The following CADPS variants were observed in gnomAD, a reference collection of about 807,000 sequenced individuals.
The protein encoded by CADPS is calcium dependent secretion activator, also known as calcium-dependent secretion activator 1.
Under a neutral mutation model 167.3 loss-of-function variants are expected in CADPS, and 57 were observed. The ratio of observed to expected loss-of-function variants is 0.34; its 90% CI spans 0.28 to 0.42. CADPS has a LOEUF of 0.42. Among genes scored for constraint, CADPS ranks in the 20% least tolerant of loss-of-function variants. The pLI, the probability that CADPS is intolerant of heterozygous loss-of-function variation, is 1.00. For missense variants in CADPS, 1,414 were observed against 1,738.1 expected (o/e 0.81, Z 3.32); for synonymous variants, 676 against 635.3 (o/e 1.06, Z -0.96).
At position 62,526,935 on chromosome 3, in the gene CADPS, T is replaced by G. The variant is rs138466703; in HGVS notation, c.2291+5936A>C. Among the ~76,000 whole-genome samples the G allele has an allele frequency of 5.3e-3, 809 of 152,284 alleles. 3 individuals carry two copies. The highest frequency in any genetic ancestry group is 0.018 in the African/African-American group (740 of 41,576). ...CTCCAAGTGATTCTAGTGGGCAGCC[T>G]AGTTTGACAACCAAAATCCTAAATA... is the stretch of plus-strand genomic sequence containing the variant. On this transcript the variant is annotated intron_variant, in intron 13 of 29. Coordinates refer to ENST00000383710, the MANE Select transcript of CADPS (RefSeq NM_003716.4).
Position 62,557,428 on chromosome 3 carries a change from A to G in CADPS, c.1730T>C (p.Val577Ala). Residue 577 changes from valine (V) to alanine (A), a missense_variant, in exon 10 of 30, where the codon GTG becomes GCG. Transcript: ENST00000383710. ...ACCTGGCTGGGGGTCGGTGTAATCC[A>G]CAGTGTAGCCATCCAATTGTAGAAG... Reference protein sequence around the residue: ...QELLQLDGYTVDYTDPQPGLE... With the variant: ...QELLQLDGYTADYTDPQPGLE... 6.2e-7 allele frequency: 1 copy of G among 1,613,890 alleles called. No individual in the cohort carries two copies. The highest frequency in any genetic ancestry group is 8.5e-7 in the Non-Finnish European group (1 of 1,179,808).
intron 3 of CADPS, among the ~76,000 whole-genome samples, chr3:62,747,743 CAG>C (rs2081789874): frequency 1.3e-5 from 2 of 152,258 alleles, no homozygotes; most frequent in South Asian, 4.1e-4. Context: ...TCTAGAAATT[CAG>C]AGAGAATAAA....
rs143394782 is a variant in CADPS, at chr3:62,827,369, T to C, written c.441+47220A>G. Among the ~76,000 whole-genome samples, 477 of 152,308 alleles carry C rather than the reference T, an allele frequency of 3.1e-3. 8 individuals are homozygous for C. Among genetic ancestry groups the C allele is most frequent in the African/African-American group, 0.011 (457 of 41,558 alleles). On this transcript the variant is annotated intron_variant, in intron 1 of 29. Transcript: ENST00000383710. ...TGAACAAGATGAAAGTGTATTTTCA[T>C]TGAGAACACTCACTATGCCAAAGAC...
At chr3:62,473,404 C>G (rs1197784522) in intron 24 of CADPS, among the ~76,000 whole-genome samples, 1 of 152,128 alleles carries the variant, frequency 6.6e-6, no homozygotes, top group East Asian at 1.9e-4. Context: ...AGGCTGGTAT[C>G]GAAAGATCTG....
chr3:62,562,641 G>A (rs1439060741), intron 9 of CADPS, among the ~76,000 whole-genome samples: 1 of 152,146 alleles, frequency 6.6e-6, no homozygotes, highest in Non-Finnish European at 1.5e-5. Context: ...GGCCTTCTGT[G>A]GGGGCATTTC....
At chr3:62,746,236 G>C (rs148261007) in intron 3 of CADPS, among the ~76,000 whole-genome samples, 2 of 152,272 alleles carry the variant, frequency 1.3e-5, no homozygotes, top group East Asian at 3.9e-4. Context: ...TATATGACAA[G>C]AATGAGGAGA....
chr3:62,569,286 G>C (rs1235263838), intron 9 of CADPS, among the ~76,000 whole-genome samples: 1 of 152,122 alleles, frequency 6.6e-6, no homozygotes, highest in Non-Finnish European at 1.5e-5. Context: ...ACTATTAGTA[G>C]AGACAGGGTT....
At chr3:62,631,050 GAA>G (rs970264634) in intron 6 of CADPS, among the ~76,000 whole-genome samples, 30 of 151,766 alleles carry the variant, frequency 2.0e-4, no homozygotes, top group Non-Finnish European at 7.4e-5. Context: ...AAGCTGAAAT[GAA>G]AAGAGACTTC....
chr3:62,749,841 A>C (rs1441497090), intron 3 of CADPS, among the ~76,000 whole-genome samples: 2 of 152,200 alleles, frequency 1.3e-5, no homozygotes, highest in African/African-American at 4.8e-5. Flanking sequence ...ATGGAGTCAG[A>C]GAGCTCTGTC....
chr3:62,606,265 T>C (rs1048284157), intron 6 of CADPS, among the ~76,000 whole-genome samples: 1 of 152,178 alleles, frequency 6.6e-6, no homozygotes, highest in Non-Finnish European at 1.5e-5. Context: ...ATCTCCAATA[T>C]GACAGTATTG....
At chr3:62,802,540 C>T (rs1328997797) in intron 1 of CADPS, among the ~76,000 whole-genome samples, 3 of 152,130 alleles carry the variant, frequency 2.0e-5, no homozygotes, top group Non-Finnish European at 4.4e-5. Flanking sequence ...GCACCTAAAA[C>T]ATTTTAATTG....
intron 14 of CADPS, 26 bp downstream of exon 14, chr3:62,518,122 TA>T: frequency 6.6e-7 from 1 of 1,526,522 alleles, no homozygotes; most frequent in Admixed American, 1.7e-5. Flanking sequence ...ATCTCCTAAT[TA>T]AAGCTCTCCA....
At chr3:62,673,795 T>C (rs2075927996) in intron 3 of CADPS, among the ~76,000 whole-genome samples, 1 of 152,186 alleles carries the variant, frequency 6.6e-6, no homozygotes, top group Non-Finnish European at 1.5e-5. Context: ...GATTATATTC[T>C]CTGGAGATTT....
intron 3 of CADPS, among the ~76,000 whole-genome samples, chr3:62,734,316 G>C (rs183470489): frequency 6.6e-6 from 1 of 152,264 alleles, no homozygotes; most frequent in East Asian, 1.9e-4. Context: ...CTGAGTAGTA[G>C]ATATGTGGCT....
At position 62,399,266 on chromosome 3, in the gene CADPS, A is replaced by T; in HGVS notation, c.*140T>A. ...GGTCATTTGCTAATCTTGGTACCAC[A>T]TAGCTAAAATGGCAGTTGTATTGAT... On this transcript the variant is annotated 3_prime_UTR_variant, in exon 30 of 30. Coordinates refer to ENST00000383710, the MANE Select transcript of CADPS (RefSeq NM_003716.4). This position sits in a 1 kb window ranked among gnomAD's most constrained non-coding sequence, Gnocchi z 5.6. The T allele has an allele frequency of 1.4e-6, 1 of 709,684 alleles. No homozygotes were observed. The highest frequency in any genetic ancestry group is 2.4e-6 in the Non-Finnish European group (1 of 424,388). The allele number at this position is 709,684 out of a possible 1,614,324, so 44.0% of individuals were successfully genotyped here.
chr3:62,515,856 A>C (rs2068847238), intron 16 of CADPS, among the ~76,000 whole-genome samples: 1 of 152,132 alleles, frequency 6.6e-6, no homozygotes, highest in African/African-American at 2.4e-5. Flanking sequence ...AGGGAACTGT[A>C]ATTACAAAGC....
At chr3:62,666,379 T>C (rs1317164082) in intron 3 of CADPS, among the ~76,000 whole-genome samples, 1 of 151,874 alleles carries the variant, frequency 6.6e-6, no homozygotes, top group Non-Finnish European at 1.5e-5. Flanking sequence ...TAAAGAGAAA[T>C]CAAGTAATTA....
chr3:62,524,204 C>A (rs1280686701), intron 13 of CADPS, among the ~76,000 whole-genome samples: 1 of 152,208 alleles, frequency 6.6e-6, no homozygotes, highest in African/African-American at 2.4e-5. Flanking sequence ...TTAATAACCA[C>A]AAATTCAAGA....
chr3:62,840,961 C>T (rs904063367), intron 1 of CADPS, among the ~76,000 whole-genome samples: 18 of 152,144 alleles, frequency 1.2e-4, no homozygotes, highest in Non-Finnish European at 2.5e-4. Context: ...CCTGTCTTGT[C>T]GTACTAATAA....
Sources: gnomAD v4.1 joint callset for allele counts (sites outside exome capture counted in the v4.1 genomes callset) on GRCh38, gnomAD v4.1.1 for gene constraint, Gnocchi (gnomAD v3.1) non-coding constraint, MANE v1.5 for transcripts, NCBI Gene and HGNC (gene_info 2026-07-23, HGNC 2026-07-21) for gene names.